KIFAP3: variants seen among roughly 807,000 people sequenced by gnomAD.
KIFAP3 encodes the protein kinesin-associated protein 3.
In KIFAP3, 68 loss-of-function variants were observed where a neutral mutation model predicts 106.5. That is an observed-to-expected ratio of 0.64 (90% CI 0.53 to 0.78). KIFAP3 has a LOEUF of 0.78. Among genes scored for constraint, KIFAP3 ranks in the 30% least tolerant of loss-of-function variants. The pLI is 0.00. For synonymous variants in KIFAP3, 320 were observed against 311.5 expected (o/e 1.03, Z -0.29); for missense variants, 780 against 941.8 (o/e 0.83, Z 2.25).
In KIFAP3 at chr1:170,048,300, GTTT is replaced by G. The variant is rs11447201; in HGVS notation, c.165-1437_165-1435del. Among the ~76,000 whole-genome samples the G allele has an allele frequency of 7.5e-3, 1,068 of 142,760 alleles. 18 individuals carry two copies. The highest frequency in any genetic ancestry group is 0.026 in the African/African-American group (978 of 38,150). 93.7% of individuals were successfully genotyped at this position (142,760 alleles called of 152,430 possible). A position where few individuals can be genotyped will look rare whatever the true frequency, so the allele number is the denominator to read the frequency against. Reference sequence around the variant, plus strand: ...GTCCCTTTATTTCTTCCTTATTTGGGTTTTTTTTTTTTTGGTTCCTACCTTTTA... The same window carrying G: ...GTCCCTTTATTTCTTCCTTATTTGGGTTTTTTTTTTGGTTCCTACCTTTTA... On this transcript the variant is annotated intron_variant, in intron 2 of 19. Coordinates refer to ENST00000361580, the MANE Select transcript of KIFAP3 (RefSeq NM_014970.4).
intron 13 of KIFAP3, 84 bp downstream of exon 13, chr1:169,983,186 C>A: frequency 2.6e-6 from 2 of 765,362 alleles, no homozygotes; most frequent in Non-Finnish European, 4.3e-6. Context: ...TAATATTTGA[C>A]GAGACCTCAG....
intron 10 of KIFAP3, among the ~76,000 whole-genome samples, chr1:169,998,397 TATACACACACACAC>T (rs1173843171): frequency 1.3e-5 from 1 of 77,908 alleles, no homozygotes; most frequent in African/African-American, 5.6e-5. Context: ...TATATATATA[TATACACACACACAC>T]ACACACACAC....
At chr1:169,923,986 T>TC (rs769731706) in intron 19 of KIFAP3, among the ~76,000 whole-genome samples, 58 of 19,446 alleles carry the variant, frequency 3.0e-3, no homozygotes, top group Admixed American at 5.2e-3. Flanking sequence ...TGCAAAATTC[T>TC]CCCCCTTTTT....
At chr1:170,012,249 T>C (rs942214978) in intron 10 of KIFAP3, among the ~76,000 whole-genome samples, 13 of 152,092 alleles carry the variant, frequency 8.5e-5, no homozygotes, top group African/African-American at 2.7e-4. Flanking sequence ...AAAAATTGTA[T>C]ATAAAAATGA....
intron 18 of KIFAP3, among the ~76,000 whole-genome samples, chr1:169,955,831 GAAGTTA>G (rs1040203237): frequency 6.6e-6 from 1 of 151,964 alleles, no homozygotes; most frequent in Non-Finnish European, 1.5e-5. Flanking sequence ...ATGTCCACTA[GAAGTTA>G]AAGTTTCTAT....
At chr1:170,035,648 A>G (rs1451121437) in intron 5 of KIFAP3, 95 bp from the exon 6 acceptor site, 3 of 680,694 alleles carry the variant, frequency 4.4e-6, no homozygotes, top group Non-Finnish European at 7.1e-6. Flanking sequence ...TGAATAATAA[A>G]GCTAAGATAG....
chr1:170,036,538 T>A (rs1669701094), intron 5 of KIFAP3, among the ~76,000 whole-genome samples: 1 of 152,072 alleles, frequency 6.6e-6, no homozygotes, highest in Admixed American at 6.6e-5. Context: ...TTGAAAAAAA[T>A]TATTTTGGAG....
chr1:170,021,773 G>T (rs1668841229), intron 9 of KIFAP3, among the ~76,000 whole-genome samples: 1 of 151,802 alleles, frequency 6.6e-6, no homozygotes, highest in East Asian at 1.9e-4. Flanking sequence ...GCACAGAATA[G>T]AATGTGAAAT....
intron 19 of KIFAP3, among the ~76,000 whole-genome samples, chr1:169,929,255 TA>T (rs1243552162): frequency 1.3e-5 from 2 of 152,198 alleles, no homozygotes; most frequent in Non-Finnish European, 2.9e-5. Context: ...GATTATGAAA[TA>T]ATTTACAGCT....
intron 10 of KIFAP3, among the ~76,000 whole-genome samples, chr1:169,995,309 T>C (rs1667315821): frequency 6.6e-6 from 1 of 152,140 alleles, no homozygotes; most frequent in Admixed American, 6.5e-5. Flanking sequence ...TTGGTCTGAC[T>C]GTATTTTACA....
In KIFAP3 at chr1:170,005,601, G is replaced by C. The variant is rs1361411013; in HGVS notation, c.1183+10861C>G. Among the ~76,000 whole-genome samples, 3 of 149,404 alleles carry C rather than the reference G, an allele frequency of 2.0e-5. No homozygotes were observed. In the Admixed American group the frequency reaches 2.0e-4, roughly 10 times the overall value. The stretch of plus-strand genomic sequence containing the variant: ...AAACCATCATTCTCACCAAACTATC[G>C]CAAGTACAAAAAACCAAAGACTGCA... On this transcript the variant is annotated intron_variant, in intron 10 of 19. Coordinates refer to ENST00000361580, the MANE Select transcript of KIFAP3 (RefSeq NM_014970.4).
intron 16 of KIFAP3, 74 bp from the exon 17 acceptor site, chr1:169,972,672 A>AT (rs1665981346): frequency 1.5e-6 from 1 of 667,112 alleles, no homozygotes. Flanking sequence ...AAAATCTCAT[A>AT]TTTTTCTAAA....
intron 19 of KIFAP3, among the ~76,000 whole-genome samples, chr1:169,937,857 C>T (rs750180595): frequency 6.6e-6 from 1 of 151,834 alleles, no homozygotes; most frequent in Non-Finnish European, 1.5e-5. Context: ...TACAACAAAT[C>T]AGCAATGAAA....
At chr1:169,991,843 G>T (rs1440489807) in intron 11 of KIFAP3, among the ~76,000 whole-genome samples, 1 of 151,930 alleles carries the variant, frequency 6.6e-6, no homozygotes, top group Non-Finnish European at 1.5e-5. Context: ...TCAGTGACAT[G>T]AGAGTATAAT....
chr1:169,922,271 G>T (rs1241213715), intron 19 of KIFAP3, among the ~76,000 whole-genome samples: 2 of 152,080 alleles, frequency 1.3e-5, no homozygotes, highest in African/African-American at 2.4e-5. Context: ...CTCATGCAGG[G>T]CCAAATCATA....
chr1:170,065,613 C>CAAAAA (rs71125225), intron 1 of KIFAP3, among the ~76,000 whole-genome samples: 4 of 49,900 alleles, frequency 8.0e-5, no homozygotes, highest in Admixed American at 2.8e-4. Context: ...GACTCCACCT[C>CAAAAA]AAAAAAAAAA....
chr1:169,998,355 A>G (rs12739975), intron 10 of KIFAP3, among the ~76,000 whole-genome samples: 28,001 of 150,996 alleles, frequency 0.19, 3,486 homozygotes, highest in Non-Finnish European at 0.28. Flanking sequence ...AACAAAAGAA[A>G]TCGGACTACA....
rs994806230 is a variant in KIFAP3, at chr1:170,070,216, T to C, written c.32+4220A>G. ...ACTGAAGGACTTAATATTGTTAAGA[T>C]GGCAATATTCCCCAAAGTGATCTAT... On this transcript the variant is annotated intron_variant, in intron 1 of 19. Transcript: ENST00000361580. 2.6e-5 allele frequency among the ~76,000 whole-genome samples: 4 copies of C among 152,144 alleles called. No homozygotes were observed. In the East Asian group the frequency reaches 7.7e-4, roughly 29 times the overall value.
intron 12 of KIFAP3, 150 bp from the exon 13 acceptor site, chr1:169,983,532 C>A: frequency 1.6e-6 from 1 of 619,620 alleles, no homozygotes; most frequent in East Asian, 3.0e-5. Context: ...CAACCCATAC[C>A]ATATATCAAC....
Sources: gnomAD v4.1 joint callset for allele counts (sites outside exome capture counted in the v4.1 genomes callset) on GRCh38, gnomAD v4.1.1 for gene constraint, MANE v1.5 for transcripts, NCBI Gene and HGNC (gene_info 2026-07-23, HGNC 2026-07-21) for gene names.